MATN2: variants seen among roughly 807,000 people sequenced by gnomAD.
MATN2 encodes matrilin 2.
MATN2 carries 69 observed loss-of-function variants against 103.2 expected under a neutral mutation model. The observed-to-expected ratio is 0.67, with a 90% CI of 0.55 to 0.82. The LOEUF is 0.82. Among genes scored for constraint, MATN2 ranks in the 40% least tolerant of loss-of-function variants. MATN2 has a pLI of 0.00. For synonymous variants in MATN2, 429 were observed against 450.2 expected (o/e 0.95, Z 0.60); for missense variants, 1,023 against 1,211.5 (o/e 0.84, Z 2.31).
intron 13 of MATN2, among the ~76,000 whole-genome samples, chr8:98,021,986 T>C (rs1430850810): frequency 6.6e-6 from 1 of 152,204 alleles, no homozygotes; most frequent in African/African-American, 2.4e-5. Flanking sequence ...TTGGCAATGT[T>C]ATCAATCCAG....
intron 2 of MATN2, among the ~76,000 whole-genome samples, chr8:97,911,696 ACT>A (rs1269859917): frequency 1.3e-5 from 2 of 151,580 alleles, no homozygotes; most frequent in East Asian, 3.9e-4. Context: ...ACAGAGTGAG[ACT>A]CTGTCTCAAA....
At chr8:97,885,264 G>A (rs1818386537) in intron 1 of MATN2, among the ~76,000 whole-genome samples, 2 of 152,148 alleles carry the variant, frequency 1.3e-5, no homozygotes, top group African/African-American at 2.4e-5. Flanking sequence ...TGGAGAAAGG[G>A]GAATAGCAAT....
At chr8:97,894,615 C>T (rs1818746490) in intron 2 of MATN2, among the ~76,000 whole-genome samples, 1 of 152,142 alleles carries the variant, frequency 6.6e-6, no homozygotes, top group African/African-American at 2.4e-5. Context: ...AACCATTCCT[C>T]CTGGCAGAAT....
chr8:97,900,503 C>T (rs945368349), intron 2 of MATN2, among the ~76,000 whole-genome samples: 3 of 152,160 alleles, frequency 2.0e-5, no homozygotes, highest in Non-Finnish European at 2.9e-5. Context: ...AAGTAAACTG[C>T]GGAGGAATTT....
Position 97,957,604 on chromosome 8 carries a change from C to T in MATN2, c.836-3804C>T, listed in dbSNP as rs551383193. 7.9e-5 allele frequency among the ~76,000 whole-genome samples: 12 copies of T among 152,298 alleles called. No individual in the cohort carries two copies. The South Asian group carries it at 1.2e-3, about 16-fold the overall frequency. ...GGGATGCGAGCAGTAATCTTGCACCCGCACATAGGTGTTTGGGGTTCTTTT... is the reference window on the plus strand; with the variant it reads ...GGGATGCGAGCAGTAATCTTGCACCTGCACATAGGTGTTTGGGGTTCTTTT... On this transcript the variant is annotated intron_variant, in intron 4 of 18. Transcript: ENST00000254898.
intron 6 of MATN2, among the ~76,000 whole-genome samples, chr8:97,981,548 T>C (rs1812022581): frequency 1.3e-5 from 2 of 152,026 alleles, no homozygotes; most frequent in Non-Finnish European, 1.5e-5. Context: ...AGCTGAGTCA[T>C]GGTGCCAGGA....
intron 4 of MATN2, among the ~76,000 whole-genome samples, chr8:97,942,991 G>A (rs1272008767): frequency 6.6e-6 from 1 of 152,054 alleles, no homozygotes; most frequent in Admixed American, 6.5e-5. Flanking sequence ...TCGCAGGGGT[G>A]GGGTGGGCGG....
intron 8 of MATN2, 109 bp downstream of exon 8, chr8:98,003,892 G>A (rs901727646): frequency 6.5e-6 from 8 of 1,228,542 alleles, no homozygotes; most frequent in Non-Finnish European, 1.2e-6. Flanking sequence ...GTTTCCTGAT[G>A]GTCTGTCAGG....
At chr8:98,008,694 G>A (rs72678728) in intron 10 of MATN2, among the ~76,000 whole-genome samples, 15,387 of 152,222 alleles carry the variant, frequency 0.1, 980 homozygotes, top group Admixed American at 0.19. Context: ...GGCACAGGGG[G>A]TGCAGAAAGA....
intron 11 of MATN2, among the ~76,000 whole-genome samples, chr8:98,016,899 T>C (rs1813383293): frequency 2.0e-5 from 3 of 152,212 alleles, no homozygotes; most frequent in Admixed American, 2.0e-4. Context: ...TTATCAATAA[T>C]AACAAATGGA....
chr8:97,920,135 T>G (rs555902834), intron 2 of MATN2, among the ~76,000 whole-genome samples: 2 of 152,322 alleles, frequency 1.3e-5, no homozygotes, highest in South Asian at 2.1e-4. Context: ...ACCCTTGGGA[T>G]GGTGGCTTTT....
At chr8:97,900,550 G>T (rs1189333127) in intron 2 of MATN2, among the ~76,000 whole-genome samples, 1 of 152,198 alleles carries the variant, frequency 6.6e-6, no homozygotes, top group Non-Finnish European at 1.5e-5. Context: ...AGGCTGGGAA[G>T]GGCTGCTTTC....
intron 5 of MATN2, among the ~76,000 whole-genome samples, chr8:97,974,879 G>GC (rs1247498936): frequency 6.6e-6 from 1 of 152,226 alleles, no homozygotes; most frequent in East Asian, 1.9e-4. Flanking sequence ...CACCTGGAGG[G>GC]CTTGCTCAAA....
At chr8:97,912,377 G>T (rs1809477701) in intron 2 of MATN2, among the ~76,000 whole-genome samples, 2 of 152,334 alleles carry the variant, frequency 1.3e-5, no homozygotes, top group Admixed American at 1.3e-4. Flanking sequence ...CTAACATAGG[G>T]CGTTAAGCTT....
chr8:97,981,863 G>T (rs566031580), intron 6 of MATN2, among the ~76,000 whole-genome samples: 20 of 152,174 alleles, frequency 1.3e-4, no homozygotes, highest in African/African-American at 4.8e-4. Flanking sequence ...GAGGGTGTTG[G>T]AGCCCTGGAA....
intron 2 of MATN2, among the ~76,000 whole-genome samples, chr8:97,919,374 AG>A (rs1260166696): frequency 4.6e-5 from 7 of 152,118 alleles, no homozygotes; most frequent in African/African-American, 1.7e-4. Context: ...CTGGGATTAC[AG>A]GTGCCCGCCA....
At chr8:98,015,471 C>T (rs1813328111) in intron 10 of MATN2, among the ~76,000 whole-genome samples, 1 of 149,266 alleles carries the variant, frequency 6.7e-6, no homozygotes, top group Non-Finnish European at 1.5e-5. Context: ...TCACAGTGGT[C>T]TCCTTGCCTT....
At chr8:97,958,299 T>C (rs1284058309) in intron 4 of MATN2, among the ~76,000 whole-genome samples, 8 of 152,322 alleles carry the variant, frequency 5.3e-5, no homozygotes, top group South Asian at 2.1e-4. Flanking sequence ...GCAGTAGAGA[T>C]TGGGAGGACC....
In MATN2 at chr8:97,994,618, A is replaced by G. The variant is rs1398920081; in HGVS notation, c.1204+16A>G. 1.2e-6 allele frequency: 2 copies of G among 1,606,696 alleles called. No individual in the cohort carries two copies. The highest frequency in any genetic ancestry group is 1.7e-6 in the Non-Finnish European group (2 of 1,177,834). Reference sequence around the variant, plus strand: ...ACCTGCAGAAGTAAGTTACAGTGGGAGTTGGAGAAGGGCTTGTTCTGCTAA... The same window carrying G: ...ACCTGCAGAAGTAAGTTACAGTGGGGGTTGGAGAAGGGCTTGTTCTGCTAA... On this transcript the variant is annotated intron_variant, in intron 7 of 18. Coordinates refer to ENST00000254898, the MANE Select transcript of MATN2 (RefSeq NM_002380.5).
Sources: gnomAD v4.1 joint callset for allele counts (sites outside exome capture counted in the v4.1 genomes callset) on GRCh38, gnomAD v4.1.1 for gene constraint, MANE v1.5 for transcripts, NCBI Gene and HGNC (gene_info 2026-07-23, HGNC 2026-07-21) for gene names.